Variants in WNK1 observed in about 807,000 individuals in gnomAD.
WNK1 encodes serine/threonine-protein kinase WNK1.
A neutral mutation model predicts 222.8 loss-of-function variants in WNK1; 38 were observed. That is an observed-to-expected ratio of 0.17 (90% CI 0.13 to 0.22). WNK1 has a LOEUF of 0.22. Ranked by LOEUF, WNK1 falls within the 10% of genes least tolerant of loss-of-function variation. The pLI is 1.00. For synonymous variants in WNK1, 1,090 were observed against 1,092.9 expected, an observed-to-expected ratio of 1.00 and a Z score of 0.05; for missense variants, 2,348 against 2,918.4, an observed-to-expected ratio of 0.80 and a Z score of 4.50.
At chr12:888,152 T>A (rs1199327833) in intron 20 of WNK1, among the ~76,000 whole-genome samples, 1 of 152,182 alleles carries the variant, frequency 6.6e-6, no homozygotes, top group African/African-American at 2.4e-5. Context: ...GAATCATATA[T>A]AAGAAATAAG....
At chr12:891,605 T>TC (rs1954242420) in intron 22 of WNK1, among the ~76,000 whole-genome samples, 1 of 150,338 alleles carries the variant, frequency 6.7e-6, no homozygotes, top group African/African-American at 2.4e-5. Context: ...TTTTTTTCTT[T>TC]TTTTTTTTTT....
chr12:850,413 T>C (rs1028030213), intron 4 of WNK1, among the ~76,000 whole-genome samples: 2 of 152,114 alleles, frequency 1.3e-5, no homozygotes, highest in Non-Finnish European at 2.9e-5. Flanking sequence ...TTTGATGGGG[T>C]TGTTTGATTT....
rs150576949 is a variant in WNK1, at chr12:760,508, A to C, written c.759+6184A>C. 1.1e-3 allele frequency among the ~76,000 whole-genome samples: 159 copies of C among 147,848 alleles called. 6 individuals carry two copies. Among genetic ancestry groups the C allele is most frequent in the African/African-American group, 3.7e-3 (154 of 41,276 alleles). The stretch of plus-strand genomic sequence containing the variant: ...GAAATACTATGTGAATGTACTTTGA[A>C]AAATGTTAAGTGTTATATAAAATAT... On this transcript the variant is annotated intron_variant, in intron 1 of 27. Transcript: ENST00000315939.
In WNK1 at chr12:885,479, AGT is replaced by A; in HGVS notation, c.4676_4677del (p.Ser1559IlefsTer40). ...TTCCTCTCCTGGAGCAGGAGTGTCT[AGT>A]TATATTTCTCAGCCTGGTGGGCTGC... Reference protein sequence around the residue: ...SSSSPGAGVSSYISQPGGLHP... With the variant: ...SSSSPGAGVSXYISQPGGLHP... On this transcript the variant is annotated frameshift_variant, in exon 19 of 28. Coordinates refer to ENST00000315939, the MANE Select transcript of WNK1 (RefSeq NM_018979.4). LOFTEE classifies it high-confidence loss of function. The A allele has an allele frequency of 6.2e-7, 1 of 1,613,838 alleles. No homozygotes were observed. Among genetic ancestry groups the A allele is most frequent in the Non-Finnish European group, 8.5e-7 (1 of 1,179,978 alleles).
intron 1 of WNK1, among the ~76,000 whole-genome samples, chr12:760,790 G>A (rs1940910685): frequency 6.8e-6 from 1 of 146,082 alleles, no homozygotes; most frequent in Admixed American, 6.8e-5. Flanking sequence ...GTTTTTGATG[G>A]GGTCTTGCTC....
intron 8 of WNK1, chr12:865,472 A>T: frequency 7.3e-7 from 1 of 1,376,750 alleles, no homozygotes; most frequent in South Asian, 1.5e-5. Flanking sequence ...AAACTTGGTT[A>T]TATTATGCTT....
In WNK1 at chr12:871,345, G is replaced by GCAGGTGAGAACAATGCATTGCAA; in HGVS notation, c.2223_2223+22dup. 1 of 1,614,032 alleles carries GCAGGTGAGAACAATGCATTGCAA rather than the reference G, an allele frequency of 6.2e-7. No individual in the cohort carries two copies. On this transcript the variant is annotated frameshift_variant, in exon 9 of 28. Transcript: ENST00000315939. LOFTEE classifies it high-confidence loss of function. ...CTTCCCAACCCATACAACATCCTCAGCAGGTGAGAACAATGCATTGCAACA... is the reference window on the plus strand; with the variant it reads ...CTTCCCAACCCATACAACATCCTCAGCAGGTGAGAACAATGCATTGCAACAGGTGAGAACAATGCATTGCAACA...
At chr12:900,019 T>TTTTC (rs1555160411) in intron 25 of WNK1, among the ~76,000 whole-genome samples, 138 of 133,552 alleles carry the variant, frequency 1.0e-3, no homozygotes, top group African/African-American at 2.7e-3. Flanking sequence ...TTCTTTTCTT[T>TTTTC]TTTTTTTTTT....
At chr12:811,959 G>A (rs1946945970) in intron 1 of WNK1, among the ~76,000 whole-genome samples, 1 of 152,088 alleles carries the variant, frequency 6.6e-6, no homozygotes, top group Non-Finnish European at 1.5e-5. Context: ...TGTCTTCTGG[G>A]CAAATTAGAG....
At chr12:871,505 CT>C (rs1184359628) in intron 9 of WNK1, among the ~76,000 whole-genome samples, 157 bp downstream of exon 9, 1 of 152,172 alleles carries the variant, frequency 6.6e-6, no homozygotes, top group African/African-American at 2.4e-5. Flanking sequence ...AAAAAAGAGA[CT>C]TTTCTGTGTT....
intron 23 of WNK1, among the ~76,000 whole-genome samples, chr12:895,547 C>T (rs1394375740): frequency 6.6e-6 from 1 of 152,172 alleles, no homozygotes; most frequent in Admixed American, 6.5e-5. Context: ...CAGCCTCTGC[C>T]TCCCGGGTTT....
At chr12:791,195 G>A (rs1161762152) in intron 1 of WNK1, among the ~76,000 whole-genome samples, 1 of 150,800 alleles carries the variant, frequency 6.6e-6, no homozygotes, top group Non-Finnish European at 1.5e-5. Context: ...ATCTAGAAAT[G>A]TCAGTAACAG....
chr12:879,513 C>CCTTTTTTTTTTTTTTTTTTTTTTTTTGTT, intron 10 of WNK1, 60 bp from the exon 11 acceptor site: 1 of 403,028 alleles, frequency 2.5e-6, no homozygotes, highest in Non-Finnish European at 3.6e-6. Flanking sequence ...GGCAGCCTTG[C>CCTTTTTTTTTTTTTTTTTTTTTTTTTGTT]TTTTTTTTTT....
At chr12:814,633 A>G (rs892909385) in intron 2 of WNK1, among the ~76,000 whole-genome samples, 2 of 152,110 alleles carry the variant, frequency 1.3e-5, no homozygotes, top group African/African-American at 4.8e-5. Context: ...GCTTTTGGTA[A>G]GTGTTGGAGT....
At chr12:806,692 C>G (rs1946392462) in intron 1 of WNK1, among the ~76,000 whole-genome samples, 1 of 152,052 alleles carries the variant, frequency 6.6e-6, no homozygotes, top group African/African-American at 2.4e-5. Context: ...TAGAGATTGC[C>G]TGGGAAGACA....
chr12:908,377 G>A, intron 27 of WNK1, 98 bp from the exon 28 acceptor site: 1 of 1,261,160 alleles, frequency 7.9e-7, no homozygotes, highest in Non-Finnish European at 1.2e-6. Flanking sequence ...AGACTGTTCT[G>A]CTGTATCTTA....
At position 754,091 on chromosome 12, in the gene WNK1, G is replaced by A; in HGVS notation, c.526G>A (p.Glu176Lys). 1 of 1,610,708 alleles carries A rather than the reference G, an allele frequency of 6.2e-7. No homozygotes were observed. The highest frequency in any genetic ancestry group is 8.5e-7 in the Non-Finnish European group (1 of 1,179,226). ...VSQPSLVGSK[E>K]EPPPARSGSG... ...CCAGCCTAGCCTTGTGGGGAGCAAA[G>A]AGGAGCCGCCGCCGGCGAGAAGTGG... The change falls in exon 1 of 28, where the codon GAG (glutamate) becomes AAG (lysine). Residue 176 changes from glutamate to lysine, a missense_variant. Around this residue, in one of 13 missense-constraint regions of WNK1, gnomAD observed 185 missense variants for 159.2 expected, o/e 1.16. Coordinates refer to ENST00000315939, the MANE Select transcript of WNK1 (RefSeq NM_018979.4).
At chr12:810,841 G>A (rs1305109554) in intron 1 of WNK1, among the ~76,000 whole-genome samples, 1 of 152,210 alleles carries the variant, frequency 6.6e-6, no homozygotes, top group African/African-American at 2.4e-5. Flanking sequence ...GGGTAGTACT[G>A]AGATGAGCAA....
rs142439139 is a variant in WNK1, at chr12:896,607, C to T, written c.6120C>T (p.Ser2040=). The T allele has an allele frequency of 3.7e-5, 60 of 1,607,700 alleles. No homozygotes were observed. The highest frequency in any genetic ancestry group is 4.8e-5 in the Non-Finnish European group (56 of 1,176,972). Residue 2040 remains serine, a synonymous_variant, in exon 24 of 28, where the codon AGC becomes AGT. Transcript: ENST00000315939. ...CGCCCCATCAGCTGAGCTCAAAGAG[C>T]CTTCCTAGCCAGAATCTAAGTCAAA... ...PHSPHQLSSK[S]LPSQNLSQSL...
Sources: allele counts gnomAD v4.1 joint callset (sites outside exome capture counted in the v4.1 genomes callset), GRCh38; gene constraint gnomAD v4.1.1; regional missense constraint gnomAD v4.1.1; transcripts MANE v1.5; gene names NCBI Gene and HGNC (gene_info 2026-07-23, HGNC 2026-07-21).